Variants in MAP3K13 observed in about 807,000 individuals in gnomAD.
MAP3K13 encodes mitogen-activated protein kinase kinase kinase 13, also known as leucine zipper-bearing kinase.
A neutral mutation model predicts 104.0 loss-of-function variants in MAP3K13; 52 were observed. The ratio of observed to expected loss-of-function variants is 0.50; its 90% CI spans 0.40 to 0.63. MAP3K13 has a LOEUF of 0.63. Ranked by LOEUF, MAP3K13 falls within the 20% of genes least tolerant of loss-of-function variation. The pLI is 0.00. For missense variants in MAP3K13, 914 were observed against 1,218.5 expected (o/e 0.75, Z 3.72); for synonymous variants, 394 against 442.2 (o/e 0.89, Z 1.37).
chr3:185,454,988 GATATATATGATATATATGAGAT>G (rs1560118080), intron 7 of MAP3K13, among the ~76,000 whole-genome samples: 7 of 30,494 alleles, frequency 2.3e-4, no homozygotes, highest in Admixed American at 5.1e-4. Context: ...ATATATATGA[GATATATATGATATATATGAGAT>G]ATATATGATA....
At chr3:185,357,453 A>G (rs1723412542) in intron 2 of MAP3K13, among the ~76,000 whole-genome samples, 2 of 150,824 alleles carry the variant, frequency 1.3e-5, no homozygotes, top group South Asian at 2.1e-4. Context: ...CATCTAAAAA[A>G]AAAAAAAAAA....
At position 185,473,749 on chromosome 3, in the gene MAP3K13, G is replaced by T. The variant is rs1030903738; in HGVS notation, c.2418G>T (p.Arg806Ser). 10 of 1,612,984 alleles carry T rather than the reference G, an allele frequency of 6.2e-6. No homozygotes were observed. Among genetic ancestry groups the T allele is most frequent in the Non-Finnish European group, 8.5e-6 (10 of 1,179,666 alleles). ...CTCCAGCGCTACCTCGAAAAACAAG[G>T]CCTCTGCAGAAGGTAAAGTGTAATG... is the stretch of plus-strand genomic sequence containing the variant. ...GTPPALPRKT[R>S]PLQKSGDDSS... Residue 806 changes from arginine (R) to serine (S), a missense_variant, in exon 11 of 14, where the codon AGG (arginine) becomes AGT (serine). This residue lies in a region of MAP3K13 where 583 missense variants were observed against 737.4 expected (regional missense o/e 0.79). Coordinates refer to ENST00000265026, the MANE Select transcript of MAP3K13 (RefSeq NM_004721.5). The surrounding 1 kb of genome is among the most constrained non-coding windows in gnomAD (Gnocchi z 4.9).
rs958939365 is a variant in MAP3K13, at chr3:185,471,345, T to C, written c.1644-1630T>C. 2.7e-5 allele frequency among the ~76,000 whole-genome samples: 4 copies of C among 146,508 alleles called. No individual in the cohort carries two copies. In the South Asian group the frequency reaches 8.9e-4, roughly 33 times the overall value. On this transcript the variant is annotated intron_variant, in intron 10 of 13. Coordinates refer to ENST00000265026, the MANE Select transcript of MAP3K13 (RefSeq NM_004721.5). ...TTTTTTTGTAGAGATAGGGTCTTGC[T>C]ATGTTGCTCAGACTGGTCTCAAACT...
At position 185,483,392 on chromosome 3, in the gene MAP3K13, G is replaced by C; in HGVS notation, c.*936G>C. The C allele has an allele frequency of 4.3e-6, 1 of 231,640 alleles. No individual in the cohort carries two copies. 14.3% of individuals were successfully genotyped at this position (231,640 alleles called of 1,614,324 possible). On this transcript the variant is annotated 3_prime_UTR_variant, in exon 14 of 14. Transcript: ENST00000265026. ...GTAGCTCATTTCCTTTCTGCCTGCT[G>C]ACCACTTCCTGTAGGAACAAAGGTT... is the stretch of plus-strand genomic sequence containing the variant.
chr3:185,298,360 G>A (rs549239138), intron 2 of MAP3K13, among the ~76,000 whole-genome samples: 40 of 152,062 alleles, frequency 2.6e-4, no homozygotes, highest in African/African-American at 6.8e-4. Flanking sequence ...TATGTTCCAC[G>A]TATTTCAAGG....
At chr3:185,356,587 A>T (rs376450136) in intron 2 of MAP3K13, among the ~76,000 whole-genome samples, 2 of 152,224 alleles carry the variant, frequency 1.3e-5, no homozygotes, top group Non-Finnish European at 2.9e-5. Context: ...TTGTCCTTAC[A>T]GCTAGTATCC....
At chr3:185,437,000 CAAAAAAAAAAAA>C (rs58819806) in intron 2 of MAP3K13, among the ~76,000 whole-genome samples, 64 of 36,968 alleles carry the variant, frequency 1.7e-3, no homozygotes, top group Middle Eastern at 0.036. Flanking sequence ...GACTCTGTCT[CAAAAAAAAAAAA>C]AAAAAAAAAA....
chr3:185,361,997 T>A (rs2108741798), upstream of MAP3K13, among the ~76,000 whole-genome samples: 1 of 152,352 alleles, frequency 6.6e-6, no homozygotes, highest in South Asian at 2.1e-4. Flanking sequence ...AGTGGTCAGG[T>A]TTAGACCCTC....
chr3:185,310,166 A>G (rs577117596), intron 2 of MAP3K13, among the ~76,000 whole-genome samples: 122 of 152,296 alleles, frequency 8.0e-4, no homozygotes, highest in African/African-American at 2.9e-3. Context: ...GCCCACTGCT[A>G]GAGGAAGGTG....
At chr3:185,344,892 T>TC (rs1487214372) in intron 2 of MAP3K13, among the ~76,000 whole-genome samples, 1 of 151,982 alleles carries the variant, frequency 6.6e-6, no homozygotes, top group Non-Finnish European at 1.5e-5. Flanking sequence ...AATTTATTTT[T>TC]TTTTTTTGAG....
Position 185,418,787 on chromosome 3 carries a change from G to A in MAP3K13, c.-85-9710G>A, listed in dbSNP as rs1170483768. ...GGGCGAGCACACGCCATGGCGGAGA[G>A]AGGAGACAGCCACGCTCCTCTCAGC... On this transcript the variant is annotated intron_variant, in intron 1 of 13. Transcript: ENST00000265026. The surrounding 1 kb of genome is among the most constrained non-coding windows in gnomAD (Gnocchi z 4.5). The A allele has an allele frequency of 1.1e-5, 17 of 1,595,408 alleles. No homozygotes were observed. The highest frequency in any genetic ancestry group is 1.3e-5 in the Non-Finnish European group (15 of 1,166,732).
chr3:185,445,291 G>A (rs1356457466), intron 4 of MAP3K13, among the ~76,000 whole-genome samples: 2 of 152,034 alleles, frequency 1.3e-5, no homozygotes, highest in Non-Finnish European at 2.9e-5. Context: ...CTCCATGGAC[G>A]GTATAAATCA....
intron 1 of MAP3K13, among the ~76,000 whole-genome samples, chr3:185,405,944 T>A (rs986543916): frequency 5.9e-5 from 9 of 152,224 alleles, no homozygotes. Context: ...GAGTGTTAAT[T>A]CTCTAAAGTG....
At chr3:185,375,229 G>GA (rs1030562688) in intron 1 of MAP3K13, among the ~76,000 whole-genome samples, 5 of 152,152 alleles carry the variant, frequency 3.3e-5, no homozygotes, top group Non-Finnish European at 7.4e-5. Flanking sequence ...CCCATCCAGT[G>GA]AAAGTGTCTA....
At chr3:185,306,350 C>T (rs1190625203) in intron 2 of MAP3K13, among the ~76,000 whole-genome samples, 1 of 152,184 alleles carries the variant, frequency 6.6e-6, no homozygotes, top group Non-Finnish European at 1.5e-5. Flanking sequence ...TTTGAGAAAT[C>T]TCCAAACTGC....
chr3:185,466,948 G>C lies in MAP3K13; in HGVS notation c.1628G>C (p.Gly543Ala). Residue 543 changes from glycine (G) to alanine (A), a missense_variant, in exon 10 of 14, where the codon GGG (glycine) becomes GCG (alanine). Around this residue, in one of 3 missense-constraint regions of MAP3K13, gnomAD observed 583 missense variants for 737.4 expected, o/e 0.79. Transcript: ENST00000265026. ...MKRKGVPHKS[G>A]MQTKRPDLLR... ...AGGAAAGGAGTGCCTCACAAATCTG[G>C]GATGCAGACCAAACGGTGAGACACC... 6.2e-7 allele frequency: 1 copy of C among 1,613,916 alleles called. No homozygotes were observed. Among genetic ancestry groups the C allele is most frequent in the Non-Finnish European group, 8.5e-7 (1 of 1,179,858 alleles).
intron 1 of MAP3K13, among the ~76,000 whole-genome samples, chr3:185,427,595 CA>C (rs1344445425): frequency 1.3e-5 from 2 of 152,148 alleles, no homozygotes; most frequent in Non-Finnish European, 2.9e-5. Context: ...TGTCTTGTCA[CA>C]GACACATGAC....
intron 2 of MAP3K13, among the ~76,000 whole-genome samples, chr3:185,345,594 C>G (rs1434560203): frequency 6.6e-6 from 1 of 152,162 alleles, no homozygotes; most frequent in East Asian, 1.9e-4. Context: ...CTATTGTGAA[C>G]TGCACATGTG....
chr3:185,461,792 G>A (rs1322648083), intron 7 of MAP3K13, among the ~76,000 whole-genome samples: 2 of 152,026 alleles, frequency 1.3e-5, no homozygotes, highest in Non-Finnish European at 2.9e-5. Flanking sequence ...TGAACTCCTG[G>A]GCTCAAGCAA....
Sources: gnomAD v4.1 joint callset for allele counts (sites outside exome capture counted in the v4.1 genomes callset) on GRCh38, gnomAD v4.1.1 for gene constraint, gnomAD v4.1.1 regional missense constraint, Gnocchi (gnomAD v3.1) non-coding constraint, MANE v1.5 for transcripts, NCBI Gene and HGNC (gene_info 2026-07-23, HGNC 2026-07-21) for gene names.